The following ZNF226 variants were observed in gnomAD, a reference collection of about 807,000 sequenced individuals.
ZNF226 encodes zinc finger protein 226.
In ZNF226, 6 loss-of-function variants were observed where a neutral mutation model predicts 11.4. The observed-to-expected ratio is 0.53, with a 90% confidence interval of 0.29 to 1.04. The LOEUF (loss-of-function observed/expected upper bound fraction) is 1.04. Ranked by LOEUF, ZNF226 falls within the 50% of genes least tolerant of loss-of-function variation. The probability of loss-of-function intolerance (pLI) is 0.08; values close to 1 mark genes in which losing one functional copy is unlikely to be tolerated. For synonymous variants in ZNF226, 350 were observed against 322.8 expected, an observed-to-expected ratio of 1.08 and a Z score of -0.90; for missense variants, 1,058 against 956.5, an observed-to-expected ratio of 1.11 and a Z score of -1.40.
chr19:44,171,423 A>T (rs555827554), intron 3 of ZNF226, among the ~76,000 whole-genome samples: 2 of 151,692 alleles, frequency 1.3e-5, no homozygotes, highest in Non-Finnish European at 2.9e-5. Flanking sequence ...CCCTTTTAAT[A>T]TTTTTTTTAG....
At chr19:44,184,588 A>G in the ZNF226 span, among the ~76,000 whole-genome samples, 85 of 151,734 alleles carry the variant, frequency 5.6e-4, no homozygotes, top group African/African-American at 2.0e-3. Context: ...TTAAAAAAAA[A>G]AAAAGATTTC....
rs1970715196 is a variant in ZNF226 at position 44,176,693 on chromosome 19, T to C, written c.1431T>C (p.Cys477=). 1 of 1,614,086 alleles carries C rather than the reference T, an allele frequency of 6.2e-7. No individual in the cohort carries two copies. Among genetic ancestry groups the C allele is most frequent in the African/African-American group, 1.3e-5 (1 of 74,998 alleles). The change falls in exon 6 of 6, where the codon TGT becomes TGC. Residue 477 remains cysteine (C), a synonymous_variant. Transcript: ENST00000337433. Reference sequence around the variant, plus strand: ...ACACTGGAGAGAAGTCATACATATGTACTGTATGTGGGAAAGGCTTTACTC... The same window carrying C: ...ACACTGGAGAGAAGTCATACATATGCACTGTATGTGGGAAAGGCTTTACTC... ...GVHTGEKSYI[C]TVCGKGFTLS...
chr19:44,188,604 AT>A, the ZNF226 span, among the ~76,000 whole-genome samples: 2 of 152,276 alleles, frequency 1.3e-5, no homozygotes, highest in South Asian at 4.1e-4. Context: ...GTATCCATGG[AT>A]TTTGGTATCC....
chr19:44,178,267 T>G (rs1048063626), downstream of ZNF226: 5 of 152,998 alleles, frequency 3.3e-5, no homozygotes, highest in African/African-American at 7.2e-5. Flanking sequence ...CTACTGGTTT[T>G]ATACCATATA....
intron 5 of ZNF226, chr19:44,174,719 T>G (rs1004075393): frequency 3.4e-6 from 1 of 294,478 alleles, no homozygotes; most frequent in Non-Finnish European, 6.2e-6. Context: ...AACATTCTTG[T>G]TAAAGACAAA....
chr19:44,187,966 T>G, the ZNF226 span, among the ~76,000 whole-genome samples: 3 of 152,298 alleles, frequency 2.0e-5, no homozygotes, highest in East Asian at 5.8e-4. The surrounding 1 kb of genome is among the most constrained non-coding windows in gnomAD (Gnocchi z 4.0). Flanking sequence ...TTTGTAGTTT[T>G]ATTCCAGTAT....
rs778022183 is a variant in ZNF226 at position 44,175,662 on chromosome 19, G to A, written c.400G>A (p.Val134Ile). The stretch of plus-strand genomic sequence containing the variant: ...CAAACAAGGTGATTTCCCTTACCAG[G>A]TAGGGACAGAACTGTCTATTCAAAT... ...CHKQGDFPYQ[V>I]GTELSIQISE... is the part of the protein sequence containing the mutation. Residue 134 changes from valine to isoleucine, a missense_variant, in exon 6 of 6, where the codon GTA (valine) becomes ATA (isoleucine). Transcript: ENST00000337433. 1.2e-6 allele frequency: 2 copies of A among 1,613,790 alleles called. No individual in the cohort carries two copies. Among genetic ancestry groups the A allele is most frequent in the Admixed American group, 3.3e-5 (2 of 60,010 alleles).
At chr19:44,167,037 A>G (rs1969462980) in intron 2 of ZNF226, among the ~76,000 whole-genome samples, 1 of 152,188 alleles carries the variant, frequency 6.6e-6, no homozygotes. Flanking sequence ...TTCCCACTAA[A>G]TATTAACTGT....
At chr19:44,181,233 TTAGC>T (rs1970902042), downstream of ZNF226, among the ~76,000 whole-genome samples, 1 of 152,070 alleles carries the variant, frequency 6.6e-6, no homozygotes, top group Non-Finnish European at 1.5e-5. Flanking sequence ...GTTTTAAAAG[TTAGC>T]TAGCCATGGA....
chr19:44,174,875 A>C, intron 5 of ZNF226: 1 of 1,041,230 alleles, frequency 9.6e-7, no homozygotes, highest in East Asian at 2.5e-5. Context: ...AGTGATTATC[A>C]ACTTTGATTT....
At chr19:44,184,929 C>G in the ZNF226 span, among the ~76,000 whole-genome samples, 6 of 152,216 alleles carry the variant, frequency 3.9e-5, no homozygotes, top group Admixed American at 2.6e-4. Flanking sequence ...TTTCCTCCCC[C>G]CTCCTCCCAG....
chr19:44,168,211 G>A (rs1488025464), intron 2 of ZNF226, among the ~76,000 whole-genome samples: 1 of 151,530 alleles, frequency 6.6e-6, no homozygotes, highest in African/African-American at 2.4e-5. Context: ...CCAGGTTCTG[G>A]TTGTTGCTGC....
chr19:44,171,496 T>TA (rs1970087930), intron 3 of ZNF226, among the ~76,000 whole-genome samples: 2 of 152,202 alleles, frequency 1.3e-5, no homozygotes, highest in Admixed American at 1.3e-4. Context: ...GCCAAGCACT[T>TA]ACACTCTGCC....
downstream of ZNF226, among the ~76,000 whole-genome samples, chr19:44,179,038 G>A (rs1432207280): frequency 6.6e-6 from 1 of 152,132 alleles, no homozygotes; most frequent in African/African-American, 2.4e-5. Context: ...AAGGTAGCTG[G>A]GCGTGGTGGT....
the ZNF226 span, among the ~76,000 whole-genome samples, chr19:44,191,666 T>C: frequency 6.6e-6 from 1 of 152,088 alleles, no homozygotes; most frequent in Non-Finnish European, 1.5e-5. Flanking sequence ...GTTAAAACAT[T>C]TAATTAAAAC....
At chr19:44,199,046 G>A in the ZNF226 span, among the ~76,000 whole-genome samples, 593 of 152,072 alleles carry the variant, frequency 3.9e-3, 3 homozygotes, top group African/African-American at 0.013. Context: ...CAGGTGATCC[G>A]CCCGCCTTGG....
At chr19:44,167,520 A>G (rs542381235) in intron 2 of ZNF226, among the ~76,000 whole-genome samples, 162 of 151,680 alleles carry the variant, frequency 1.1e-3, no homozygotes, top group Non-Finnish European at 1.9e-3. Flanking sequence ...GGGTTCCACC[A>G]TGTTTGCCAG....
rs748517906 is a variant in ZNF226, at chr19:44,177,636, A to G, written c.2374A>G (p.Ile792Val). 1.2e-6 allele frequency: 2 copies of G among 1,603,826 alleles called. No individual in the cohort carries two copies. The highest frequency in any genetic ancestry group is 1.7e-5 in the Admixed American group (1 of 57,862). ...SYKSNRGGKN[I>V]RESTQEKKSI... is the part of the protein sequence containing the mutation. ...TAAAAGTAATAGGGGTGGTAAGAAC[A>G]TCAGAGAATCCACACAGGAAAAAAA... is the stretch of plus-strand genomic sequence containing the variant. Residue 792 changes from isoleucine (I) to valine (V), a missense_variant, in exon 6 of 6, where the codon ATC becomes GTC. Physicochemically the swap from Ile to Val is conservative, Grantham distance 29. Coordinates refer to ENST00000337433, the MANE Select transcript of ZNF226 (RefSeq NM_001032373.2).
rs201157482 is a variant in ZNF226 at position 44,172,129 on chromosome 19, G to A, written c.57G>A (p.Glu19=). The change falls in exon 4 of 6, where the codon GAG becomes GAA. Residue 19 remains glutamate, a synonymous_variant. Coordinates refer to ENST00000337433, the MANE Select transcript of ZNF226 (RefSeq NM_001032373.2). The part of the protein sequence containing the change: ...TFKDVAVAFT[E]EELGLLGPAQ... ...AGGACGTGGCTGTGGCCTTCACGGA[G>A]GAGGAATTGGGGCTGCTGGGCCCTG... is the stretch of plus-strand genomic sequence containing the variant. 6.2e-7 allele frequency: 1 copy of A among 1,613,364 alleles called. No individual in the cohort carries two copies. The highest frequency in any genetic ancestry group is 1.3e-5 in the African/African-American group (1 of 75,050).
Sources: allele counts gnomAD v4.1 joint callset (sites outside exome capture counted in the v4.1 genomes callset), GRCh38; gene constraint gnomAD v4.1.1; non-coding constraint Gnocchi (gnomAD v3.1); transcripts MANE v1.5; gene names NCBI Gene and HGNC (gene_info 2026-07-23, HGNC 2026-07-21).